NCAM2: variants seen among roughly 807,000 people sequenced by gnomAD.
NCAM2 encodes the protein N-CAM-2.
NCAM2 carries 30 observed loss-of-function variants against 98.1 expected under a neutral mutation model. That is an observed-to-expected ratio of 0.31 (90% CI 0.23 to 0.41). The LOEUF is 0.41. Ranked by LOEUF, NCAM2 falls within the 10% of genes least tolerant of loss-of-function variation. The probability of loss-of-function intolerance (pLI) is 1.00; values close to 1 mark genes in which losing one functional copy is unlikely to be tolerated. For synonymous variants in NCAM2, 368 were observed against 342.4 expected (o/e 1.07, Z -0.83); for missense variants, 867 against 1,005.8 (o/e 0.86, Z 1.87).
intron 4 of NCAM2, among the ~76,000 whole-genome samples, chr21:21,289,459 G>T (rs2073215315): frequency 6.6e-6 from 1 of 151,924 alleles, no homozygotes; most frequent in African/African-American, 2.4e-5. Context: ...AAAGATGCCT[G>T]CCAGGAGGAA....
chr21:21,431,464 AACAC>A (rs2077342241), intron 11 of NCAM2, among the ~76,000 whole-genome samples: 1 of 152,102 alleles, frequency 6.6e-6, no homozygotes, highest in Non-Finnish European at 1.5e-5. Flanking sequence ...ATTAAAATAA[AACAC>A]ACAAGAAGAA....
At chr21:20,999,686 C>T (rs1324114028) in intron 1 of NCAM2, among the ~76,000 whole-genome samples, 4 of 152,144 alleles carry the variant, frequency 2.6e-5, no homozygotes, top group South Asian at 4.1e-4. Flanking sequence ...TAATAAATTA[C>T]AAGACAAGTT....
intron 1 of NCAM2, among the ~76,000 whole-genome samples, chr21:21,067,310 T>A (rs1369337506): frequency 6.6e-6 from 1 of 151,966 alleles, no homozygotes; most frequent in Non-Finnish European, 1.5e-5. Flanking sequence ...CATAAACAAG[T>A]ATGAAGAGGG....
intron 15 of NCAM2, among the ~76,000 whole-genome samples, chr21:21,508,586 TTAA>T (rs1988137093): frequency 6.6e-6 from 1 of 151,812 alleles, no homozygotes; most frequent in African/African-American, 2.4e-5. Flanking sequence ...TTTTTCTTTG[TTAA>T]TAAAAAAAAA....
At chr21:21,173,132 G>T (rs888102629) in intron 1 of NCAM2, among the ~76,000 whole-genome samples, 1 of 152,050 alleles carries the variant, frequency 6.6e-6, no homozygotes, top group Non-Finnish European at 1.5e-5. Flanking sequence ...TTGTAGAAAT[G>T]AATTAGAAAA....
chr21:21,051,412 C>T (rs570930362), intron 1 of NCAM2, among the ~76,000 whole-genome samples: 10 of 152,270 alleles, frequency 6.6e-5, no homozygotes, highest in African/African-American at 2.4e-4. Flanking sequence ...AGTTTGTATC[C>T]AGGAAACCCA....
Position 21,021,183 on chromosome 21 carries a change from A to ATT in NCAM2, c.55+22574_55+22575dup, listed in dbSNP as rs141273460. Among the ~76,000 whole-genome samples, 482 of 148,916 alleles carry ATT rather than the reference A, an allele frequency of 3.2e-3. 2 individuals carry two copies. The highest frequency in any genetic ancestry group is 0.012 in the African/African-American group (477 of 40,756). ...CAAATGCATTCTTTTTCTATGGATCATTTTTTTTTTGTAAATTCTTTGTTA... is the reference window on the plus strand; with the variant it reads ...CAAATGCATTCTTTTTCTATGGATCATTTTTTTTTTTTGTAAATTCTTTGTTA... On this transcript the variant is annotated intron_variant, in intron 1 of 17. Coordinates refer to ENST00000400546, the MANE Select transcript of NCAM2 (RefSeq NM_004540.5).
chr21:21,518,037 C>T (rs1988808190), intron 16 of NCAM2, among the ~76,000 whole-genome samples: 11 of 152,068 alleles, frequency 7.2e-5, no homozygotes, highest in Admixed American at 7.2e-4. Flanking sequence ...TGAGAATTTA[C>T]AGTTCTGCTC....
intron 1 of NCAM2, among the ~76,000 whole-genome samples, chr21:21,040,918 G>C (rs902121581): frequency 6.6e-6 from 1 of 152,062 alleles, no homozygotes; most frequent in Non-Finnish European, 1.5e-5. Flanking sequence ...CAAGAAGAGA[G>C]GATTTTGAAT....
intron 6 of NCAM2, among the ~76,000 whole-genome samples, chr21:21,331,302 A>T (rs2074671769): frequency 6.6e-6 from 1 of 150,808 alleles, no homozygotes; most frequent in Admixed American, 6.6e-5. Context: ...ATGCCCAATT[A>T]ACTTTTTAAT....
intron 9 of NCAM2, among the ~76,000 whole-genome samples, chr21:21,391,699 T>A (rs1445048572): frequency 1.3e-5 from 2 of 152,326 alleles, no homozygotes; most frequent in African/African-American, 2.4e-5. Flanking sequence ...GCCCTTGGAA[T>A]GAAGATGAAG....
chr21:21,425,185 A>C (rs774895903), intron 11 of NCAM2, among the ~76,000 whole-genome samples: 2 of 152,018 alleles, frequency 1.3e-5, no homozygotes, highest in Non-Finnish European at 2.9e-5. Flanking sequence ...CTAGAGACAG[A>C]TTTCAACATA....
chr21:21,136,618 C>T (rs950881399), intron 1 of NCAM2, among the ~76,000 whole-genome samples: 7 of 119,220 alleles, frequency 5.9e-5, no homozygotes, highest in East Asian at 2.4e-4. Flanking sequence ...CAGGCCACCA[C>T]GCCTGTTTTT....
intron 1 of NCAM2, among the ~76,000 whole-genome samples, chr21:21,225,379 C>T (rs1247781614): frequency 6.6e-6 from 1 of 152,020 alleles, no homozygotes; most frequent in Non-Finnish European, 1.5e-5. Flanking sequence ...CAAACCTGCA[C>T]ATCCTGCACA....
At position 21,012,959 on chromosome 21, in the gene NCAM2, C is replaced by T. The variant is rs1000745537; in HGVS notation, c.55+14341C>T. ...ACAAACTTAATCAATTTATAAGTGT[C>T]GTGTATACTCTGACTGCTCCACTGA... is the stretch of plus-strand genomic sequence containing the variant. On this transcript the variant is annotated intron_variant, in intron 1 of 17. Transcript: ENST00000400546. Among the ~76,000 whole-genome samples the T allele has an allele frequency of 5.3e-5, 8 of 152,208 alleles. No individual in the cohort carries two copies. The East Asian group carries it at 1.5e-3, about 29-fold the overall frequency.
intron 1 of NCAM2, among the ~76,000 whole-genome samples, chr21:21,190,088 C>T (rs1332504253): frequency 1.3e-5 from 2 of 152,090 alleles, no homozygotes; most frequent in Non-Finnish European, 1.5e-5. Context: ...CAAATTTGGA[C>T]TATGCAGAAG....
In NCAM2 at chr21:21,540,551, A is replaced by G. The variant is rs761912246; in HGVS notation, c.*2594A>G. On this transcript the variant is annotated 3_prime_UTR_variant, in exon 18 of 18. Transcript: ENST00000400546. ...TTCAAAATAAAAGATGGCTTGTAGT[A>G]AATTGTAAAATATGAGTAGAACTGA... 1.3e-5 allele frequency: 2 copies of G among 152,024 alleles called. No individual in the cohort carries two copies. The highest frequency in any genetic ancestry group is 2.9e-5 in the Non-Finnish European group (2 of 67,978). 9.4% of individuals were successfully genotyped at this position (152,024 alleles called of 1,614,324 possible). A position where few individuals can be genotyped will look rare whatever the true frequency, so the allele number is the denominator to read the frequency against.
intron 1 of NCAM2, among the ~76,000 whole-genome samples, chr21:21,054,292 C>G (rs2065170907): frequency 6.6e-6 from 1 of 151,940 alleles, no homozygotes. Context: ...CCACACAGTA[C>G]AGTATTTCAG....
chr21:21,264,666 T>TAC (rs1051676896), intron 1 of NCAM2, among the ~76,000 whole-genome samples: 4 of 149,502 alleles, frequency 2.7e-5, no homozygotes, highest in South Asian at 2.1e-4. Flanking sequence ...TATATATATA[T>TAC]ACACACACAC....
Sources: gnomAD v4.1 joint callset for allele counts (sites outside exome capture counted in the v4.1 genomes callset) on GRCh38, gnomAD v4.1.1 for gene constraint, MANE v1.5 for transcripts, NCBI Gene and HGNC (gene_info 2026-07-23, HGNC 2026-07-21) for gene names.